KMT2C: variants seen among roughly 807,000 people sequenced by gnomAD.
KMT2C encodes lysine methyltransferase 2C.
Under a neutral mutation model 507.9 loss-of-function variants are expected in KMT2C, and 88 were observed. The ratio of observed to expected loss-of-function variants is 0.17; its 90% CI spans 0.15 to 0.21. The LOEUF is 0.21. Ranked by LOEUF, KMT2C falls within the 10% of genes least tolerant of loss-of-function variation. The pLI is 1.00. For synonymous variants in KMT2C, 2,049 were observed against 2,080.8 expected, an observed-to-expected ratio of 0.98 and a Z score of 0.42; for missense variants, 4,954 against 5,957.8, an observed-to-expected ratio of 0.83 and a Z score of 5.55.
Position 152,215,688 on chromosome 7 carries a change from T to TATATATACAC in KMT2C, c.3712+4834_3712+4835insGTGTATATAT, listed in dbSNP as rs766518165. The stretch of plus-strand genomic sequence containing the variant: ...ACAAAAGGAACAAAATATATATATA[T>TATATATACAC]ACACACACACATACACACACAAAAT... On this transcript the variant is annotated intron_variant, in intron 23 of 58. Transcript: ENST00000262189. Among the ~76,000 whole-genome samples the TATATATACAC allele has an allele frequency of 2.3e-4, 31 of 134,496 alleles. 2 individuals are homozygous for TATATATACAC. In the South Asian group the frequency reaches 2.9e-3, roughly 12 times the overall value. The allele number at this position is 134,496 out of a possible 152,430, so 88.2% of individuals were successfully genotyped here. A position where few individuals can be genotyped will look rare whatever the true frequency, so the allele number is the denominator to read the frequency against.
intron 23 of KMT2C, among the ~76,000 whole-genome samples, chr7:152,214,270 A>G (rs966510764): frequency 8.5e-5 from 13 of 152,248 alleles, no homozygotes; most frequent in Admixed American, 2.6e-4. Context: ...GCACTCCCAT[A>G]TTCATGGCGA....
chr7:152,189,786 C>T (rs181995736), intron 31 of KMT2C, among the ~76,000 whole-genome samples: 35 of 152,316 alleles, frequency 2.3e-4, no homozygotes, highest in African/African-American at 8.4e-4. Flanking sequence ...CTTACATTTA[C>T]TCCAAGGATT....
At chr7:152,345,642 AGCCTCCTGAGTAGC>A (rs1400429957) in intron 2 of KMT2C, among the ~76,000 whole-genome samples, 1 of 152,134 alleles carries the variant, frequency 6.6e-6, no homozygotes, top group Non-Finnish European at 1.5e-5. Context: ...TTTGTGCCTC[AGCCTCCTGAGTAGC>A]TGGGACAGTA....
chr7:152,332,226 C>T (rs2096891251), intron 2 of KMT2C, among the ~76,000 whole-genome samples: 1 of 152,132 alleles, frequency 6.6e-6, no homozygotes, highest in Non-Finnish European at 1.5e-5. Context: ...CACCACTACC[C>T]CTAACATCAT....
chr7:152,203,671 A>G (rs893605691), intron 25 of KMT2C, among the ~76,000 whole-genome samples: 2 of 152,206 alleles, frequency 1.3e-5, no homozygotes, highest in African/African-American at 4.8e-5. Flanking sequence ...TAAATTTGAC[A>G]AATAAACAAT....
At chr7:152,185,009 G>A (rs1369035624) in intron 34 of KMT2C, among the ~76,000 whole-genome samples, 2 of 152,146 alleles carry the variant, frequency 1.3e-5, no homozygotes, top group Non-Finnish European at 2.9e-5. Context: ...TGCCCACCTT[G>A]GCCTCTCAAA....
chr7:152,272,529 G>T (rs1262137217), intron 7 of KMT2C, among the ~76,000 whole-genome samples: 3 of 152,108 alleles, frequency 2.0e-5, no homozygotes, highest in African/African-American at 7.2e-5. Context: ...TGCACTTGCT[G>T]AAGTAACTCA....
At chr7:152,387,718 G>A (rs767804394) in intron 1 of KMT2C, among the ~76,000 whole-genome samples, 4 of 152,262 alleles carry the variant, frequency 2.6e-5, no homozygotes, top group Admixed American at 2.6e-4. Context: ...TGATCCGCCC[G>A]CCTCGGCCTC....
intron 5 of KMT2C, among the ~76,000 whole-genome samples, chr7:152,311,353 T>A (rs1346790423): frequency 6.6e-6 from 1 of 152,208 alleles, no homozygotes; most frequent in East Asian, 1.9e-4. Flanking sequence ...GAATGAGATG[T>A]ACTTTAAATT....
intron 31 of KMT2C, among the ~76,000 whole-genome samples, chr7:152,190,590 T>C (rs1407267157): frequency 6.6e-6 from 1 of 152,058 alleles, no homozygotes; most frequent in African/African-American, 2.4e-5. Context: ...CAAGAAGTGG[T>C]CTTTTTTTTT....
chr7:152,154,592 C>A, intron 46 of KMT2C, 147 bp from the exon 47 acceptor site: 1 of 608,102 alleles, frequency 1.6e-6, no homozygotes, highest in Non-Finnish European at 2.9e-6. Context: ...CAGCTCAGAG[C>A]CACACTGGGA....
At chr7:152,234,411 C>T (rs2095219271) in intron 16 of KMT2C, among the ~76,000 whole-genome samples, 1 of 151,442 alleles carries the variant, frequency 6.6e-6, no homozygotes, top group South Asian at 2.1e-4. Context: ...AAAAGGAAAA[C>T]ACAACAAAAA....
At chr7:152,304,408 CAT>C (rs2096597153) in intron 6 of KMT2C, among the ~76,000 whole-genome samples, 1 of 152,110 alleles carries the variant, frequency 6.6e-6, no homozygotes, top group Admixed American at 6.6e-5. Flanking sequence ...ATATTTTAAA[CAT>C]ATCAGAAAAT....
chr7:152,255,157 A>ATATATATATATATGTGTGTG (rs767823858), intron 9 of KMT2C, among the ~76,000 whole-genome samples: 1 of 128,376 alleles, frequency 7.8e-6, no homozygotes, highest in African/African-American at 3.0e-5. Context: ...ATATATATAT[A>ATATATATATATATGTGTGTG]TGTGTGTGTG....
At chr7:152,398,948 C>T (rs1488648135) in intron 1 of KMT2C, among the ~76,000 whole-genome samples, 4 of 152,056 alleles carry the variant, frequency 2.6e-5, no homozygotes, top group African/African-American at 9.7e-5. Context: ...CCACCTCAGC[C>T]TCTGAGTAGG....
intron 3 of KMT2C, among the ~76,000 whole-genome samples, chr7:152,325,787 TAA>T (rs990086103): frequency 6.6e-6 from 1 of 152,182 alleles, no homozygotes; most frequent in South Asian, 2.1e-4. Flanking sequence ...ATTTGTTTTT[TAA>T]AAGTCTTTCC....
intron 1 of KMT2C, among the ~76,000 whole-genome samples, chr7:152,369,366 A>T (rs1434491763): frequency 2.0e-5 from 3 of 152,126 alleles, no homozygotes; most frequent in Non-Finnish European, 4.4e-5. Context: ...GGCAAATTAT[A>T]TTTTGTGTAT....
At chr7:152,433,382 T>C (rs2097883293) in intron 1 of KMT2C, among the ~76,000 whole-genome samples, 1 of 152,028 alleles carries the variant, frequency 6.6e-6, no homozygotes, top group African/African-American at 2.4e-5. Flanking sequence ...ACAGGGTCTT[T>C]TCTGCATGGA....
intron 18 of KMT2C, among the ~76,000 whole-genome samples, chr7:152,225,421 C>A (rs371977229): frequency 1.3e-5 from 2 of 151,906 alleles, no homozygotes; most frequent in East Asian, 1.9e-4. Flanking sequence ...CAGAATGGCA[C>A]CAAACTTCCC....
Sources: allele counts gnomAD v4.1 joint callset (sites outside exome capture counted in the v4.1 genomes callset), GRCh38; gene constraint gnomAD v4.1.1; transcripts MANE v1.5; gene names NCBI Gene and HGNC (gene_info 2026-07-23, HGNC 2026-07-21).